DROSHA: variants seen among roughly 807,000 people sequenced by gnomAD.
The protein encoded by DROSHA is drosha ribonuclease III, also known as ribonuclease 3.
Under a neutral mutation model 181.9 loss-of-function variants are expected in DROSHA, and 56 were observed. The ratio of observed to expected loss-of-function variants is 0.31; its 90% CI spans 0.25 to 0.38. The LOEUF (loss-of-function observed/expected upper bound fraction) is 0.38. DROSHA is among the 10% of genes least tolerant of loss of function. The pLI is 1.00. For synonymous variants in DROSHA, 524 were observed against 591.2 expected (o/e 0.89, Z 1.65); for missense variants, 1,218 against 1,743.5 (o/e 0.70, Z 5.37).
intron 25 of DROSHA, among the ~76,000 whole-genome samples, chr5:31,432,154 C>T (rs1744256856): frequency 2.7e-5 from 4 of 148,312 alleles, no homozygotes; most frequent in South Asian, 2.1e-4. Context: ...TTTTTTGAGA[C>T]GGAATCTGGC....
chr5:31,529,722 CAAAAAAACAAACAAAAAA>C lies in DROSHA; in HGVS notation c.-46-635_-46-618del, dbSNP rs1375530322. 9.4e-3 allele frequency among the ~76,000 whole-genome samples: 673 copies of C among 71,628 alleles called. 3 individuals are homozygous for C. The highest frequency in any genetic ancestry group is 0.037 in the African/African-American group (634 of 17,062). The allele number at this position is 71,628 out of a possible 152,430, so 47.0% of individuals were successfully genotyped here. A position where few individuals can be genotyped will look rare whatever the true frequency, so the allele number is the denominator to read the frequency against. ...TGCATTCCAGCCTGGGCGACAGTCTCAAAAAAACAAACAAAAAAAAAAAAACAAAAAAAAAAACAAACC... is the reference window on the plus strand; with the variant it reads ...TGCATTCCAGCCTGGGCGACAGTCTCAAAAAAACAAAAAAAAAAACAAACC... On this transcript the variant is annotated intron_variant, in intron 3 of 35. Transcript: ENST00000344624.
intron 5 of DROSHA, among the ~76,000 whole-genome samples, chr5:31,525,356 T>TAAA (rs1740402042): frequency 7.7e-6 from 1 of 129,812 alleles, no homozygotes; most frequent in Non-Finnish European, 1.6e-5. Context: ...AAAAAAAAAT[T>TAAA]AGCCGAGTGT....
chr5:31,499,396 T>C (rs1469017428), intron 11 of DROSHA, among the ~76,000 whole-genome samples: 1 of 152,100 alleles, frequency 6.6e-6, no homozygotes, highest in Non-Finnish European at 1.5e-5. Context: ...AATAAGATGG[T>C]GTTTTGGAGC....
chr5:31,516,758 C>A (rs1027730895), intron 6 of DROSHA, among the ~76,000 whole-genome samples: 6 of 152,142 alleles, frequency 3.9e-5, no homozygotes, highest in African/African-American at 1.4e-4. Context: ...AAATCAGGAA[C>A]ACCTATTTCA....
At chr5:31,412,804 T>C (rs867951986) in intron 30 of DROSHA, among the ~76,000 whole-genome samples, 30 of 152,328 alleles carry the variant, frequency 2.0e-4, no homozygotes, top group Middle Eastern at 6.8e-3. Flanking sequence ...CCCACTAGCC[T>C]AATATCTTGT....
At chr5:31,519,518 C>A (rs1236604481) in intron 6 of DROSHA, among the ~76,000 whole-genome samples, 1 of 152,086 alleles carries the variant, frequency 6.6e-6, no homozygotes, top group African/African-American at 2.4e-5. Flanking sequence ...CCGGGACACA[C>A]AAAAACACCA....
Position 31,515,042 on chromosome 5 carries a change from C to T in DROSHA, c.1236G>A (p.Trp412Ter). 2 of 1,614,004 alleles carry T rather than the reference C, an allele frequency of 1.2e-6. No homozygotes were observed. Among genetic ancestry groups the T allele is most frequent in the Non-Finnish European group, 1.7e-6 (2 of 1,179,884 alleles). ...AGTTTTCTGAATGAGTGCATCGAAT[C>T]CACACAGGCTTAAGAAGTTCTTCTT... ...EEEEELLKPV[W>*]IRCTHSENYY... The change falls in exon 8 of 36, where the codon TGG becomes TGA. Residue 412 changes from tryptophan (W) to a stop codon, truncating the protein, a stop_gained. Coordinates refer to ENST00000344624, the MANE Select transcript of DROSHA (RefSeq NM_001382508.1). LOFTEE classifies it high-confidence loss of function.
intron 11 of DROSHA, among the ~76,000 whole-genome samples, chr5:31,495,822 G>A (rs940338891): frequency 1.2e-4 from 18 of 152,342 alleles, no homozygotes; most frequent in African/African-American, 3.8e-4. Flanking sequence ...GAGGCTTGCC[G>A]GAGATGGGCC....
Position 31,515,102 on chromosome 5 carries a change from G to GACAA in DROSHA, c.1175_1176insTTGT (p.Glu393CysfsTer7). Reference sequence around the variant, plus strand: ...CATTCTTGTCAGGCATGGTCTCCTCGGGCTCTTTTTCCTTGATTGAGGTAT... The same window carrying GACAA: ...CATTCTTGTCAGGCATGGTCTCCTCGACAAGGCTCTTTTTCCTTGATTGAGGTAT... On this transcript the variant is annotated frameshift_variant, in exon 8 of 36. Coordinates refer to ENST00000344624, the MANE Select transcript of DROSHA (RefSeq NM_001382508.1). LOFTEE classifies it high-confidence loss of function. The GACAA allele has an allele frequency of 6.2e-7, 1 of 1,613,848 alleles. No homozygotes were observed. The highest frequency in any genetic ancestry group is 8.5e-7 in the Non-Finnish European group (1 of 1,179,864).
rs1739952743 is a variant in DROSHA, at chr5:31,401,125, G to GA, written c.*306dup. On this transcript the variant is annotated 3_prime_UTR_variant, in exon 36 of 36. Coordinates refer to ENST00000344624, the MANE Select transcript of DROSHA (RefSeq NM_001382508.1). ...AGGGTCACAATCTGGGACACAGATG[G>GA]AAAAACAGGATCTATTCCACATAGA... 3.2e-6 allele frequency: 1 copy of GA among 315,466 alleles called. No homozygotes were observed. Among genetic ancestry groups the GA allele is most frequent in the Non-Finnish European group, 6.1e-6 (1 of 163,092 alleles). The allele number at this position is 315,466 out of a possible 1,614,324, so 19.5% of individuals were successfully genotyped here.
At chr5:31,407,210 G>A (rs754891777) in intron 33 of DROSHA, among the ~76,000 whole-genome samples, 1 of 152,122 alleles carries the variant, frequency 6.6e-6, no homozygotes, top group Non-Finnish European at 1.5e-5. Flanking sequence ...AACATCAAAA[G>A]GCTAACAGTG....
At chr5:31,468,117 C>A (rs1172692059) in intron 17 of DROSHA, 54 bp from the exon 18 acceptor site, 4 of 1,551,918 alleles carry the variant, frequency 2.6e-6, no homozygotes, top group Non-Finnish European at 3.5e-6. Flanking sequence ...TATGTATTGA[C>A]TTTAACCTAA....
At chr5:31,474,408 G>T (rs1034974864) in intron 16 of DROSHA, among the ~76,000 whole-genome samples, 3 of 151,822 alleles carry the variant, frequency 2.0e-5, no homozygotes, top group Admixed American at 6.6e-5. Context: ...TGTCATCCAG[G>T]CTGGAGTGCA....
chr5:31,428,508 A>T (rs1743755327), intron 27 of DROSHA, among the ~76,000 whole-genome samples: 3 of 152,242 alleles, frequency 2.0e-5, no homozygotes. Context: ...GACACAGAGC[A>T]TCTGTAGATA....
At chr5:31,460,286 T>G (rs1318187148) in intron 20 of DROSHA, among the ~76,000 whole-genome samples, 3 of 152,184 alleles carry the variant, frequency 2.0e-5, no homozygotes, top group Non-Finnish European at 2.9e-5. Context: ...ACAAACATAG[T>G]GACAGGTCCA....
chr5:31,486,260 C>T (rs561479243), intron 14 of DROSHA, among the ~76,000 whole-genome samples: 6 of 152,160 alleles, frequency 3.9e-5, no homozygotes, highest in South Asian at 2.1e-4. Context: ...TATCAGCAGA[C>T]GTAACACAAG....
rs745386061 is a variant in DROSHA, at chr5:31,521,232, C to A, written c.855-17G>T. 2.0e-5 allele frequency: 33 copies of A among 1,612,700 alleles called. No homozygotes were observed. The Middle Eastern group carries it at 5.0e-4, about 24-fold the overall frequency. On this transcript the variant is annotated splice_polypyrimidine_tract_variant and intron_variant, in intron 5 of 35. Transcript: ENST00000344624. ...TCTCGCTCTCTTAAAGGAATTAATACACAGAGCTGTTTTCAACAGAAAGAC... is the reference window on the plus strand; with the variant it reads ...TCTCGCTCTCTTAAAGGAATTAATAAACAGAGCTGTTTTCAACAGAAAGAC...
At chr5:31,515,759 C>G (rs1739209003) in intron 6 of DROSHA, among the ~76,000 whole-genome samples, 195 bp from the exon 7 acceptor site, 1 of 152,204 alleles carries the variant, frequency 6.6e-6, no homozygotes, top group East Asian at 1.9e-4. Flanking sequence ...GAGTGAACCA[C>G]TTATGTCATC....
chr5:31,495,511 T>C (rs1752880840), intron 11 of DROSHA, 139 bp from the exon 12 acceptor site: 5 of 792,258 alleles, frequency 6.3e-6, no homozygotes. Flanking sequence ...GAAAGAACAG[T>C]ATTGGCTTTG....
Sources: gnomAD v4.1 joint callset for allele counts (sites outside exome capture counted in the v4.1 genomes callset) on GRCh38, gnomAD v4.1.1 for gene constraint, MANE v1.5 for transcripts, NCBI Gene and HGNC (gene_info 2026-07-23, HGNC 2026-07-21) for gene names.